Variants in COL27A1 observed in about 807,000 individuals in gnomAD.
COL27A1 encodes the protein collagen type XXVII alpha 1 chain.
Under a neutral mutation model 251.3 loss-of-function variants are expected in COL27A1, and 106 were observed. The observed-to-expected ratio is 0.42, with a 90% CI of 0.36 to 0.50. COL27A1 has a LOEUF of 0.50. Among genes scored for constraint, COL27A1 ranks in the 20% least tolerant of loss-of-function variants. The pLI is 0.00. For synonymous variants in COL27A1, 1,000 were observed against 986.3 expected, an observed-to-expected ratio of 1.01 and a Z score of -0.26; for missense variants, 2,325 against 2,522.8, an observed-to-expected ratio of 0.92 and a Z score of 1.68.
intron 7 of COL27A1, 124 bp downstream of exon 7, chr9:114,196,136 G>A: frequency 1.2e-6 from 1 of 836,044 alleles, no homozygotes; most frequent in Non-Finnish European, 2.1e-6. Flanking sequence ...CTGGGCACAG[G>A]GTACATGGGT....
At chr9:114,180,234 C>T (rs773069395) in intron 4 of COL27A1, among the ~76,000 whole-genome samples, 10 of 152,166 alleles carry the variant, frequency 6.6e-5, no homozygotes, top group Admixed American at 3.9e-4. Flanking sequence ...CTCTCTCCTA[C>T]GTGATGCCTG....
chr9:114,280,976 G>T (rs759927857), intron 37 of COL27A1, among the ~76,000 whole-genome samples: 2 of 152,186 alleles, frequency 1.3e-5, no homozygotes, highest in Non-Finnish European at 2.9e-5. Context: ...AAGTCCTCTG[G>T]GTTGGTCCAG....
At chr9:114,185,846 A>G (rs1415120693) in intron 5 of COL27A1, among the ~76,000 whole-genome samples, 1 of 152,236 alleles carries the variant, frequency 6.6e-6, no homozygotes, top group Admixed American at 6.5e-5. Context: ...CAGTCATCCC[A>G]TCAGTGCATC....
In COL27A1 at chr9:114,168,966, C is replaced by G. The variant is rs769203870; in HGVS notation, c.1411C>G (p.Pro471Ala). 4 of 1,614,154 alleles carry G rather than the reference C, an allele frequency of 2.5e-6. No individual in the cohort carries two copies. The highest frequency in any genetic ancestry group is 3.4e-6 in the Non-Finnish European group (4 of 1,180,032). ...CAAGATAACCAGCCATGCCAGTAAG[C>G]CGGCCTCTGCCCGCACCAGCACCCA... ...EAKITSHASKPASARTSTHKP... is the reference protein window; with the variant it reads ...EAKITSHASKAASARTSTHKP... Residue 471 changes from proline (P) to alanine (A), a missense_variant, in exon 3 of 61, where the codon CCG becomes GCG. Physicochemically the swap from Pro to Ala is conservative, Grantham distance 27. Around this residue, in one of 4 missense-constraint regions of COL27A1, gnomAD observed 1,183 missense variants for 1,144.1 expected, o/e 1.03. Transcript: ENST00000356083.
intron 24 of COL27A1, among the ~76,000 whole-genome samples, chr9:114,248,508 G>A (rs1833299517): frequency 6.6e-6 from 1 of 152,208 alleles, no homozygotes; most frequent in African/African-American, 2.4e-5. Flanking sequence ...CCCGCTGTGG[G>A]TAACAATGCT....
chr9:114,286,341 C>T (rs925249822), intron 41 of COL27A1, among the ~76,000 whole-genome samples: 17 of 152,100 alleles, frequency 1.1e-4, no homozygotes, highest in East Asian at 3.9e-4. Context: ...ACAAGACAGG[C>T]GGGGAAACTG....
chr9:114,204,602 T>C (rs548582958), intron 7 of COL27A1, among the ~76,000 whole-genome samples: 1 of 152,086 alleles, frequency 6.6e-6, no homozygotes, highest in East Asian at 1.9e-4. Context: ...GGTTAATAAA[T>C]GTGGTCAAGG....
chr9:114,235,422 G>A (rs1035196939), intron 16 of COL27A1, among the ~76,000 whole-genome samples, 177 bp from the exon 17 acceptor site: 1 of 152,106 alleles, frequency 6.6e-6, no homozygotes, highest in East Asian at 1.9e-4. Context: ...CTCACCCCCC[G>A]CCACCGCCTG....
intron 3 of COL27A1, among the ~76,000 whole-genome samples, chr9:114,175,263 C>T (rs1827328808): frequency 6.6e-6 from 1 of 152,254 alleles, no homozygotes; most frequent in Admixed American, 6.5e-5. Context: ...CAGCTCCAGG[C>T]CCTCTCAGAG....
chr9:114,302,892 A>T (rs1828761227), intron 56 of COL27A1, among the ~76,000 whole-genome samples: 1 of 152,016 alleles, frequency 6.6e-6, no homozygotes, highest in African/African-American at 2.4e-5. Flanking sequence ...GACTATTACC[A>T]TCAGGCCCCA....
intron 3 of COL27A1, among the ~76,000 whole-genome samples, chr9:114,175,319 G>A (rs562532288): frequency 2.0e-5 from 3 of 152,354 alleles, no homozygotes; most frequent in East Asian, 1.9e-4. Context: ...CCCCGGCCTC[G>A]TGAATCATCC....
intron 29 of COL27A1, 125 bp downstream of exon 29, chr9:114,264,533 C>A: frequency 1.4e-6 from 1 of 706,518 alleles, no homozygotes; most frequent in Non-Finnish European, 2.2e-6. Context: ...ATGGAGGCTG[C>A]AGGGCTCTTT....
At chr9:114,211,564 C>G (rs976105048) in intron 12 of COL27A1, among the ~76,000 whole-genome samples, 2 of 152,258 alleles carry the variant, frequency 1.3e-5, no homozygotes, top group African/African-American at 2.4e-5. Flanking sequence ...GGCTCCCCAT[C>G]ATGGGAGGAA....
chr9:114,201,613 T>G (rs1397614336), intron 7 of COL27A1, among the ~76,000 whole-genome samples: 1 of 152,220 alleles, frequency 6.6e-6, no homozygotes, highest in African/African-American at 2.4e-5. Context: ...AAGTACTGGC[T>G]TGGCCATAAC....
At position 114,168,911 on chromosome 9, in the gene COL27A1, A is replaced by G. The variant is rs766538206; in HGVS notation, c.1356A>G (p.Lys452=). Residue 452 remains lysine (K), a synonymous_variant, in exon 3 of 61, where the codon AAA becomes AAG. Transcript: ENST00000356083. ...PLPPTTSSSK[K]PIPTLARTEA... ...CTCCTACCACCAGCTCCTCTAAAAA[A>G]CCCATTCCCACACTAGCTCGGACTG... 2.5e-6 allele frequency: 4 copies of G among 1,613,390 alleles called. No individual in the cohort carries two copies. The highest frequency in any genetic ancestry group is 2.2e-5 in the South Asian group (2 of 91,028).
In COL27A1 at chr9:114,209,901, G is replaced by A. The variant is rs562872247; in HGVS notation, c.2322+173G>A. Among the ~76,000 whole-genome samples the A allele has an allele frequency of 3.9e-5, 6 of 152,336 alleles. No individual in the cohort carries two copies. The South Asian group carries it at 1.0e-3, about 26-fold the overall frequency. On this transcript the variant is annotated intron_variant, in intron 11 of 60. Transcript: ENST00000356083. ...TCAAGGCAGATGCATTCCAGGCATA[G>A]GGAACAGCATGTGCGAAGTCAGGGA...
intron 23 of COL27A1, among the ~76,000 whole-genome samples, chr9:114,245,158 T>TG (rs1184560245): frequency 7.0e-5 from 9 of 127,760 alleles, no homozygotes; most frequent in Non-Finnish European, 1.0e-4. Context: ...GTTTTTTTTT[T>TG]TTTTTTTTTT....
intron 14 of COL27A1, among the ~76,000 whole-genome samples, chr9:114,226,864 T>C (rs1253194917): frequency 6.6e-6 from 1 of 152,180 alleles, no homozygotes; most frequent in Admixed American, 6.5e-5. Flanking sequence ...GCAGCACAGG[T>C]GGTGGCCCCA....
chr9:114,184,112 G>A lies in COL27A1; in HGVS notation c.2016+1037G>A, dbSNP rs529208722. Reference sequence around the variant, plus strand: ...TAAGAGAACAGTGCCTGTGCCGAAGGAGCTGTGGAGGGGGCAGATGGGCTC... The same window carrying A: ...TAAGAGAACAGTGCCTGTGCCGAAGAAGCTGTGGAGGGGGCAGATGGGCTC... On this transcript the variant is annotated intron_variant, in intron 5 of 60. Coordinates refer to ENST00000356083, the MANE Select transcript of COL27A1 (RefSeq NM_032888.4). 2.1e-4 allele frequency among the ~76,000 whole-genome samples: 10 copies of A among 47,176 alleles called. No homozygotes were observed. The South Asian group carries it at 7.5e-3, about 35-fold the overall frequency. 30.9% of individuals were successfully genotyped at this position (47,176 alleles called of 152,430 possible). A position where few individuals can be genotyped will look rare whatever the true frequency, so the allele number is the denominator to read the frequency against.
Sources: gnomAD v4.1 joint callset for allele counts (sites outside exome capture counted in the v4.1 genomes callset) on GRCh38, gnomAD v4.1.1 for gene constraint, gnomAD v4.1.1 regional missense constraint, MANE v1.5 for transcripts, NCBI Gene and HGNC (gene_info 2026-07-23, HGNC 2026-07-21) for gene names.